The following JCAD variants were observed in gnomAD, a reference collection of about 807,000 sequenced individuals.
JCAD encodes junctional cadherin 5 associated.
Under a neutral mutation model 98.0 loss-of-function variants are expected in JCAD, and 40 were observed. The observed-to-expected ratio is 0.41, with a 90% CI of 0.32 to 0.53. The LOEUF (loss-of-function observed/expected upper bound fraction) is 0.53, where lower values mean the gene tolerates loss of function less well. JCAD is among the 20% of genes least tolerant of loss of function. JCAD has a pLI of 0.31. For missense variants in JCAD, 1,705 were observed against 1,738.1 expected (o/e 0.98, Z 0.34); for synonymous variants, 691 against 682.3 (o/e 1.01, Z -0.20).
At position 30,013,855 on chromosome 10, in the gene JCAD, G is replaced by C. The variant is rs1416743857; in HGVS notation, c.*4028C>G. The C allele has an allele frequency of 1.3e-5, 2 of 152,170 alleles. No individual in the cohort carries two copies. The highest frequency in any genetic ancestry group is 4.8e-5 in the African/African-American group (2 of 41,430). The allele number at this position is 152,170 out of a possible 1,614,324, so 9.4% of individuals were successfully genotyped here. On this transcript the variant is annotated 3_prime_UTR_variant, in exon 4 of 4. Transcript: ENST00000375377. ...CACAAGTATCGCAGAGGCTTTCCAAGGTCGATGCCAGGAATCTGCAGGAGC... is the reference window on the plus strand; with the variant it reads ...CACAAGTATCGCAGAGGCTTTCCAACGTCGATGCCAGGAATCTGCAGGAGC...
In JCAD at chr10:30,029,196, G is replaced by A. The variant is rs1263864301; in HGVS notation, c.952C>T (p.Gln318Ter). 1 of 1,614,192 alleles carries A rather than the reference G, an allele frequency of 6.2e-7. No individual in the cohort carries two copies. The highest frequency in any genetic ancestry group is 1.7e-5 in the Admixed American group (1 of 60,026). ...ADSSDSQDSQ[Q>*]MDAYVPRHEL... ...TGCCTGGGGACATAGGCGTCCATCTGCTGGCTGTCCTGAGAGTCACTGCTG... is the reference window on the plus strand; with the variant it reads ...TGCCTGGGGACATAGGCGTCCATCTACTGGCTGTCCTGAGAGTCACTGCTG... Residue 318 changes from glutamine to a stop codon, truncating the protein, a stop_gained, in exon 3 of 4, where the codon CAG becomes TAG. Coordinates refer to ENST00000375377, the MANE Select transcript of JCAD (RefSeq NM_020848.4). LOFTEE classifies it high-confidence loss of function.
intron 1 of JCAD, among the ~76,000 whole-genome samples, chr10:30,091,211 C>T (rs548333313): frequency 2.3e-4 from 35 of 152,198 alleles, no homozygotes; most frequent in African/African-American, 7.5e-4. Context: ...TGATTCTGGA[C>T]GAGATTCTAA....
In JCAD at chr10:30,092,034, CAAAAA is replaced by C. The variant is rs1198107053; in HGVS notation, n.129-22218_129-22214del. ...CAGAGCGAGACTCCATCCCCCACCA[CAAAAA>C]AAAAAAAAAAAAAAAAAAAAAAAAA... On this transcript the variant is annotated intron_variant and non_coding_transcript_variant, in intron 1 of 2. Transcript: ENST00000465712. 1.3e-3 allele frequency among the ~76,000 whole-genome samples: 45 copies of C among 35,388 alleles called. 1 individual carries two copies. The highest frequency in any genetic ancestry group is 5.4e-3 in the African/African-American group (39 of 7,174). The allele number at this position is 35,388 out of a possible 152,430, so 23.2% of individuals were successfully genotyped here.
In JCAD at chr10:30,029,028, G is replaced by A; in HGVS notation, c.1120C>T (p.Gln374Ter). ...GCCCCAGCCTTCTCGGTCGGAGACT[G>A]CTGTTGACTGTGACCGCCACACACA... is the stretch of plus-strand genomic sequence containing the variant. ...INVCGGHSQQQSPTEKAGASG... is the reference protein window; with the variant it reads ...INVCGGHSQQ Residue 374 changes from glutamine to a stop codon, truncating the protein, a stop_gained, in exon 3 of 4, where the codon CAG (glutamine) becomes TAG (stop). Coordinates refer to ENST00000375377, the MANE Select transcript of JCAD (RefSeq NM_020848.4). LOFTEE classifies it high-confidence loss of function. 1 of 1,614,138 alleles carries A rather than the reference G, an allele frequency of 6.2e-7. No individual in the cohort carries two copies. Among genetic ancestry groups the A allele is most frequent in the Non-Finnish European group, 8.5e-7 (1 of 1,180,028 alleles).
chr10:30,033,644 T>G (rs1489706042), intron 2 of JCAD, among the ~76,000 whole-genome samples: 1 of 152,194 alleles, frequency 6.6e-6, no homozygotes, highest in Admixed American at 6.5e-5. Context: ...TATTATACAT[T>G]TTGTGGTTTC....
At chr10:30,072,579 T>C (rs368007484) in intron 1 of JCAD, among the ~76,000 whole-genome samples, 1 of 152,308 alleles carries the variant, frequency 6.6e-6, no homozygotes, top group African/African-American at 2.4e-5. Flanking sequence ...TTATGGATCA[T>C]TTGAAAAGAA....
chr10:30,081,339 C>A (rs1285952656), intron 1 of JCAD, among the ~76,000 whole-genome samples: 1 of 152,196 alleles, frequency 6.6e-6, no homozygotes, highest in Non-Finnish European at 1.5e-5. Context: ...GTCAATTTAT[C>A]TTGGAAGACT....
chr10:30,027,943 T>C lies in JCAD; in HGVS notation c.2205A>G (p.Ala735=), dbSNP rs3739996. The C allele has an allele frequency of 0.35, 561,026 of 1,613,974 alleles. 102,431 individuals are homozygous for C. The highest frequency in any genetic ancestry group is 0.38 in the Non-Finnish European group (451,219 of 1,179,906). ...TCTGTTTGTGATCACCGGTAGGGAATGCTGTGTGCGTCTGAGCTTCGGAGG... is the reference window on the plus strand; with the variant it reads ...TCTGTTTGTGATCACCGGTAGGGAACGCTGTGTGCGTCTGAGCTTCGGAGG... ...PAASEAQTHT[A]FPTGDHKQRP... Residue 735 remains alanine, a synonymous_variant, in exon 3 of 4, where the codon GCA becomes GCG. Transcript: ENST00000375377.
chr10:30,051,925 A>G (rs2132649161), intron 1 of JCAD, among the ~76,000 whole-genome samples: 2 of 152,368 alleles, frequency 1.3e-5, no homozygotes, highest in Middle Eastern at 3.4e-3. Context: ...AGAAGATGAC[A>G]GCTCATTTTA....
intron 1 of JCAD, chr10:30,069,843 A>G (rs938790893): frequency 6.6e-6 from 1 of 152,194 alleles, no homozygotes; most frequent in Non-Finnish European, 1.5e-5. Flanking sequence ...CAAAATGGCC[A>G]GAAAACGTTA....
intron 1 of JCAD, among the ~76,000 whole-genome samples, chr10:30,052,583 G>A (rs1448634520): frequency 1.3e-5 from 2 of 152,212 alleles, no homozygotes; most frequent in Non-Finnish European, 2.9e-5. Flanking sequence ...CTGAGGAAAG[G>A]AGTGGGCTAG....
chr10:30,060,358 G>A (rs1013709690), upstream of JCAD, among the ~76,000 whole-genome samples: 1 of 152,170 alleles, frequency 6.6e-6, no homozygotes. Context: ...CAGTGGGAGA[G>A]TTCAGACCAG....
chr10:30,104,857 C>T (rs371175291), intron 1 of JCAD, among the ~76,000 whole-genome samples: 8 of 152,082 alleles, frequency 5.3e-5, no homozygotes, highest in Non-Finnish European at 7.4e-5. Flanking sequence ...GAGAGAAGAG[C>T]GGAGGGTTGG....
At chr10:30,025,567 G>GGGGAA (rs1836773150) in intron 3 of JCAD, among the ~76,000 whole-genome samples, 1 of 134,820 alleles carries the variant, frequency 7.4e-6, no homozygotes, top group African/African-American at 2.7e-5. Context: ...GGGGAGGGGA[G>GGGGAA]GGGAGGGAGA....
intron 1 of JCAD, among the ~76,000 whole-genome samples, chr10:30,079,958 A>G (rs1410955754): frequency 6.6e-6 from 1 of 152,132 alleles, no homozygotes; most frequent in Non-Finnish European, 1.5e-5. Context: ...CCCTCTTCCC[A>G]CAGAAAGAGC....
chr10:30,062,998 C>A (rs1340096121), upstream of JCAD, among the ~76,000 whole-genome samples: 3 of 152,042 alleles, frequency 2.0e-5, no homozygotes, highest in African/African-American at 7.2e-5. Context: ...GGCCAGTTTC[C>A]ACACCGGTCA....
upstream of JCAD, among the ~76,000 whole-genome samples, chr10:30,063,600 C>T (rs183639551): frequency 1.0e-3 from 152 of 151,978 alleles, no homozygotes; most frequent in African/African-American, 3.4e-3. Context: ...AAAAGATTAA[C>T]GCTCTTTTAA....
chr10:30,067,327 G>GTT (rs371535356), intron 2 of JCAD, among the ~76,000 whole-genome samples: 3 of 147,886 alleles, frequency 2.0e-5, no homozygotes, highest in African/African-American at 7.4e-5. Context: ...CCTTTTTTCT[G>GTT]TTTTTTTTTT....
At chr10:30,096,048 T>G (rs1302236268) in intron 1 of JCAD, among the ~76,000 whole-genome samples, 1 of 152,224 alleles carries the variant, frequency 6.6e-6, no homozygotes, top group Non-Finnish European at 1.5e-5. Context: ...TTTGTTTTAT[T>G]GTCAGTAAAA....
Sources: gnomAD v4.1 joint callset for allele counts (sites outside exome capture counted in the v4.1 genomes callset) on GRCh38, gnomAD v4.1.1 for gene constraint, MANE v1.5 for transcripts, NCBI Gene and HGNC (gene_info 2026-07-23, HGNC 2026-07-21) for gene names.